CELF2: variants seen among roughly 807,000 people sequenced by gnomAD.
CELF2 encodes the protein CUG triplet repeat RNA-binding protein 2.
In CELF2, 8 loss-of-function variants were observed where a neutral mutation model predicts 62.6. The ratio of observed to expected loss-of-function variants is 0.13; its 90% confidence interval spans 0.07 to 0.23. The LOEUF (loss-of-function observed/expected upper bound fraction) is 0.23, where lower values mean the gene tolerates loss of function less well. CELF2 is among the 10% of genes least tolerant of loss of function. The probability of loss-of-function intolerance (pLI) is 1.00; values close to 1 mark genes in which losing one functional copy is unlikely to be tolerated. For missense variants in CELF2, 333 were observed against 671.0 expected, an observed-to-expected ratio of 0.50 and a Z score of 5.56; for synonymous variants, 258 against 250.0, an observed-to-expected ratio of 1.03 and a Z score of -0.30.
Position 11,098,820 on chromosome 10 carries a change from T to C in CELF2, c.75-66666T>C, listed in dbSNP as rs2050645006. Among the ~76,000 whole-genome samples, 1 of 152,202 alleles carries C rather than the reference T, an allele frequency of 6.6e-6. No homozygotes were observed. Among genetic ancestry groups the C allele is most frequent in the Admixed American group, 6.5e-5 (1 of 15,272 alleles). Reference sequence around the variant, plus strand: ...TGATTTGACCGAGGCTTCTTGGCTCTGCACCGGGTGATAATTCTACCTGGG... The same window carrying C: ...TGATTTGACCGAGGCTTCTTGGCTCCGCACCGGGTGATAATTCTACCTGGG... On this transcript the variant is annotated intron_variant, in intron 1 of 12. Coordinates refer to ENST00000633077, the MANE Select transcript of CELF2 (RefSeq NM_001326342.2). The surrounding 1 kb of genome is among the most constrained non-coding windows in gnomAD (Gnocchi z 4.0).
In CELF2 at chr10:11,296,791, G is replaced by C. The variant is rs1473375903; in HGVS notation, c.976+8239G>C. Among the ~76,000 whole-genome samples, 1 of 152,232 alleles carries C rather than the reference G, an allele frequency of 6.6e-6. No homozygotes were observed. Among genetic ancestry groups the C allele is most frequent in the Non-Finnish European group, 1.5e-5 (1 of 68,040 alleles). On this transcript the variant is annotated intron_variant, in intron 9 of 12. Coordinates refer to ENST00000633077, the MANE Select transcript of CELF2 (RefSeq NM_001326342.2). The surrounding 1 kb of genome is among the most constrained non-coding windows in gnomAD (Gnocchi z 5.0). ...CAAGGAAGTAAGGGAAATTTTAGTA[G>C]AAGAGTTGACATTTGAGCCAAAATG...
chr10:10,822,636 T>C (rs2057057641), intron 1 of CELF2, among the ~76,000 whole-genome samples: 1 of 152,256 alleles, frequency 6.6e-6, no homozygotes, highest in Admixed American at 6.5e-5. Context: ...CTACCTGTGC[T>C]TTTAATATAT....
chr10:11,249,270 G>A (rs897811487), intron 4 of CELF2, 69 bp downstream of exon 4: 7 of 1,309,656 alleles, frequency 5.3e-6, no homozygotes, highest in Non-Finnish European at 7.8e-6. Context: ...TCAGTTGGGG[G>A]CGGGAGAAGC....
chr10:10,546,931 A>G, the CELF2 span, among the ~76,000 whole-genome samples: 2 of 151,990 alleles, frequency 1.3e-5, no homozygotes, highest in East Asian at 3.9e-4. Flanking sequence ...ACATGGCGAA[A>G]CCCCATCTCT....
the CELF2 span, among the ~76,000 whole-genome samples, chr10:10,716,024 T>C: frequency 2.6e-5 from 4 of 152,210 alleles, no homozygotes; most frequent in African/African-American, 9.6e-5. Context: ...CTTTGTTAGT[T>C]AGAAAAATTC....
At chr10:10,851,840 A>G (rs922697272) in intron 1 of CELF2, among the ~76,000 whole-genome samples, 7 of 152,200 alleles carry the variant, frequency 4.6e-5, no homozygotes, top group African/African-American at 1.7e-4. Context: ...ACCAATAAGC[A>G]TATAAAGAGA....
At chr10:10,828,060 G>A (rs1314871777) in intron 1 of CELF2, among the ~76,000 whole-genome samples, 2 of 149,354 alleles carry the variant, frequency 1.3e-5, no homozygotes, top group Non-Finnish European at 3.0e-5. Context: ...GTGTTGGTGG[G>A]AATGTAAAAC....
In CELF2 at chr10:11,329,993, G is replaced by C. The variant is rs1342021059; in HGVS notation, c.*940G>C. 6.6e-6 allele frequency: 1 copy of C among 152,616 alleles called. No individual in the cohort carries two copies. The highest frequency in any genetic ancestry group is 1.5e-5 in the Non-Finnish European group (1 of 68,034). 9.5% of individuals were successfully genotyped at this position (152,616 alleles called of 1,614,324 possible). On this transcript the variant is annotated 3_prime_UTR_variant, in exon 13 of 13. Transcript: ENST00000633077. The surrounding 1 kb of genome is among the most constrained non-coding windows in gnomAD (Gnocchi z 5.5). ...TGTTAACTTATTGGGTACCTAAAGA[G>C]CAGTTCTCTGTCTAGCTAGAACCTT...
At chr10:10,477,770 C>CAAA in the CELF2 span, among the ~76,000 whole-genome samples, 26 of 119,286 alleles carry the variant, frequency 2.2e-4, no homozygotes, top group Admixed American at 7.5e-4. Flanking sequence ...CCTGCAACAC[C>CAAA]AAAAAAAAAA....
chr10:10,892,298 C>T (rs1340323307), intron 1 of CELF2, among the ~76,000 whole-genome samples: 1 of 152,126 alleles, frequency 6.6e-6, no homozygotes, highest in East Asian at 1.9e-4. Flanking sequence ...TGTCCAGTTA[C>T]TTGGCCAAGG....
At chr10:11,094,303 G>C (rs1343274947) in intron 1 of CELF2, among the ~76,000 whole-genome samples, 1 of 152,218 alleles carries the variant, frequency 6.6e-6, no homozygotes, top group Non-Finnish European at 1.5e-5. Context: ...GCCATCATTT[G>C]TAAGCATGGC....
chr10:10,715,740 T>C, the CELF2 span, among the ~76,000 whole-genome samples: 1 of 152,168 alleles, frequency 6.6e-6, no homozygotes, highest in Non-Finnish European at 1.5e-5. Context: ...CTCTCTCTGC[T>C]TGCCATATAG....
At chr10:10,807,505 T>C (rs568146055) in intron 1 of CELF2, among the ~76,000 whole-genome samples, 1 of 152,336 alleles carries the variant, frequency 6.6e-6, no homozygotes, top group South Asian at 2.1e-4. Context: ...ACAGATTTTT[T>C]TTTGCACCTG....
the CELF2 span, among the ~76,000 whole-genome samples, chr10:10,770,888 G>C: frequency 3.3e-5 from 5 of 152,158 alleles, no homozygotes; most frequent in South Asian, 1.0e-3. Context: ...CTTATCTAGG[G>C]ATGTGTCAGA....
chr10:11,149,851 A>G (rs564186424), intron 1 of CELF2, among the ~76,000 whole-genome samples: 14 of 152,336 alleles, frequency 9.2e-5, no homozygotes, highest in Non-Finnish European at 1.2e-4. Context: ...CCCGATGGAA[A>G]TATACTGTCT....
chr10:10,775,732 G>A, the CELF2 span, among the ~76,000 whole-genome samples: 28 of 152,284 alleles, frequency 1.8e-4, no homozygotes, highest in African/African-American at 6.0e-4. Context: ...CATCAAATTG[G>A]AGATAGGAGA....
chr10:10,690,763 C>T, the CELF2 span, among the ~76,000 whole-genome samples: 8 of 152,244 alleles, frequency 5.3e-5, no homozygotes, highest in East Asian at 1.5e-3. Flanking sequence ...GCCTATAATA[C>T]CAGCTACTCA....
intron 1 of CELF2, among the ~76,000 whole-genome samples, chr10:10,897,438 T>G (rs138833889): frequency 2.0e-4 from 30 of 152,184 alleles, no homozygotes; most frequent in African/African-American, 7.2e-4. Context: ...CCTTATTGCT[T>G]ATGGCAAAAT....
chr10:10,979,672 CAAAAAAAAA>C (rs35482385), intron 2 of CELF2, among the ~76,000 whole-genome samples: 26 of 68,988 alleles, frequency 3.8e-4, no homozygotes, highest in African/African-American at 9.9e-4. Flanking sequence ...CCTTGTCTCT[CAAAAAAAAA>C]AAAAAAAAAA....
Sources: gnomAD v4.1 joint callset for allele counts (sites outside exome capture counted in the v4.1 genomes callset) on GRCh38, gnomAD v4.1.1 for gene constraint, Gnocchi (gnomAD v3.1) non-coding constraint, MANE v1.5 for transcripts, NCBI Gene and HGNC (gene_info 2026-07-23, HGNC 2026-07-21) for gene names.